CHEK2: variants seen among roughly 807,000 people sequenced by gnomAD.
CHEK2 encodes serine/threonine-protein kinase Chk2.
Under a neutral mutation model 69.1 loss-of-function variants are expected in CHEK2, and 71 were observed. The observed-to-expected ratio is 1.03, with a 90% CI of 0.85 to 1.25. The LOEUF (loss-of-function observed/expected upper bound fraction) is 1.25. CHEK2 is among the 50% of genes most tolerant of loss of function. The pLI is 0.00. For missense variants in CHEK2, 664 were observed against 649.6 expected, an observed-to-expected ratio of 1.02 and a Z score of -0.24; for synonymous variants, 189 against 226.9, an observed-to-expected ratio of 0.83 and a Z score of 1.50.
chr22:28,689,530 A>C (rs2145753668), intron 13 of CHEK2: 1 of 376,786 alleles, frequency 2.7e-6, no homozygotes, highest in East Asian at 6.4e-5. Context: ...GAAAGGTGGC[A>C]ATCAGGAGGC....
chr22:28,708,363 A>ATG (rs10694007), intron 7 of CHEK2, among the ~76,000 whole-genome samples: 6,188 of 139,702 alleles, frequency 0.044, 210 homozygotes, highest in African/African-American at 0.099. Flanking sequence ...CTCTAAAAAT[A>ATG]TGTGTGTGTG....
chr22:28,726,457 CAT>C (rs988226425), intron 2 of CHEK2: 14 of 143,346 alleles, frequency 9.8e-5, no homozygotes, highest in South Asian at 4.4e-4. Flanking sequence ...ATTTATTATA[CAT>C]GTTATATAAA....
intron 7 of CHEK2, among the ~76,000 whole-genome samples, chr22:28,704,155 CACACACA>C (rs2053012692): frequency 3.3e-5 from 5 of 151,608 alleles, no homozygotes; most frequent in African/African-American, 9.7e-5. Context: ...CACACACACA[CACACACA>C]CCTATGGCTG....
In CHEK2 at chr22:28,734,552, G is replaced by A. The variant is rs730881695; in HGVS notation, c.170C>T (p.Ser57Phe). 5 of 1,613,856 alleles carry A rather than the reference G, an allele frequency of 3.1e-6. No individual in the cohort carries two copies. The highest frequency in any genetic ancestry group is 4.2e-6 in the Non-Finnish European group (5 of 1,180,030). The change falls in exon 2 of 15, where the codon TCT becomes TTT. Residue 57 changes from serine to phenylalanine, a missense_variant. Transcript: ENST00000404276. ...PNSSQSSHSS[S>F]GTLSSLETVS... Reference sequence around the variant, plus strand: ...TGTCTCTAAGGAGCTCAGTGTCCCAGAGCTGGAGTGAGAGGACTGGCTGGA... The same window carrying A: ...TGTCTCTAAGGAGCTCAGTGTCCCAAAGCTGGAGTGAGAGGACTGGCTGGA...
chr22:28,721,605 T>C (rs760370877), intron 4 of CHEK2: 6 of 463,056 alleles, frequency 1.3e-5, no homozygotes, highest in South Asian at 9.4e-5. Flanking sequence ...GAAAATCAGC[T>C]GAGAGAGTAG....
Position 28,687,989 on chromosome 22 carries a change from G to A in CHEK2, c.1543-3C>T, listed in dbSNP as rs759366945. 7 of 1,588,016 alleles carry A rather than the reference G, an allele frequency of 4.4e-6. No individual in the cohort carries two copies. The South Asian group carries it at 7.7e-5, about 18-fold the overall frequency. ...GGCCGCTTTCGACTAGTAGAAGGCT[G>A]AAAATAAAGGAAAATGGAGAAATGT... On this transcript the variant is annotated splice_region_variant and splice_polypyrimidine_tract_variant and intron_variant, in intron 14 of 14. Transcript: ENST00000404276.
intron 4 of CHEK2, chr22:28,724,728 G>A (rs1042267917): frequency 4.5e-5 from 21 of 468,972 alleles, no homozygotes; most frequent in African/African-American, 2.0e-4. Flanking sequence ...CACCATGCCC[G>A]GCTTATTTTG....
intron 13 of CHEK2, among the ~76,000 whole-genome samples, chr22:28,690,292 G>A (rs992742390): frequency 2.6e-5 from 4 of 152,178 alleles, no homozygotes; most frequent in Admixed American, 6.5e-5. Flanking sequence ...AGGAATTTGA[G>A]ACCAGCCTGG....
At chr22:28,736,267 A>G (rs1372845245) in intron 1 of CHEK2, among the ~76,000 whole-genome samples, 1 of 152,234 alleles carries the variant, frequency 6.6e-6, no homozygotes, top group Non-Finnish European at 1.5e-5. Context: ...ACAAAAAATC[A>G]GGTGGCTTGA....
chr22:28,699,843 C>G lies in CHEK2; in HGVS notation c.1003G>C (p.Val335Leu), dbSNP rs563752762. 1.7e-5 allele frequency: 28 copies of G among 1,611,192 alleles called. No homozygotes were observed. The highest frequency in any genetic ancestry group is 2.3e-5 in the Non-Finnish European group (27 of 1,177,354). ...GAATTGAGGGCTTCTTTTACCTGCA[C>G]AGCCAAGAGCATCTGGTAAAAATAG... is the stretch of plus-strand genomic sequence containing the variant. ...KLYFYQMLLA[V>L]QYLHENGIIH... The change falls in exon 9 of 15, where the codon GTG (valine) becomes CTG (leucine). Residue 335 changes from valine (V) to leucine (L), a missense_variant. Physicochemically the swap from Val to Leu is conservative, Grantham distance 32 (BLOSUM62 1). Coordinates refer to ENST00000404276, the MANE Select transcript of CHEK2 (RefSeq NM_007194.4).
At chr22:28,733,934 A>AG (rs992290549) in intron 2 of CHEK2, among the ~76,000 whole-genome samples, 1 of 151,980 alleles carries the variant, frequency 6.6e-6, no homozygotes, top group Non-Finnish European at 1.5e-5. Context: ...AAAAAAAAAA[A>AG]AAAAAAATTC....
At chr22:28,689,313 A>T in intron 13 of CHEK2, 98 bp from the exon 14 acceptor site, 1 of 885,400 alleles carries the variant, frequency 1.1e-6, no homozygotes. Context: ...GGGAGGAAAA[A>T]TGTCCGTCCA....
At chr22:28,741,580 T>C (rs145550498) in intron 1 of CHEK2, among the ~76,000 whole-genome samples, 189 bp downstream of exon 1, 1 of 152,100 alleles carries the variant, frequency 6.6e-6, no homozygotes, top group African/African-American at 2.4e-5. Flanking sequence ...TGTTTCAGCT[T>C]GCAAGTAATA....
chr22:28,710,006 A>C lies in CHEK2; in HGVS notation c.846T>G (p.His282Gln). 6.7e-7 allele frequency: 1 copy of C among 1,490,544 alleles called. No individual in the cohort carries two copies. 92.3% of individuals were successfully genotyped at this position (1,490,544 alleles called of 1,614,324 possible). A position where few individuals can be genotyped will look rare whatever the true frequency, so the allele number is the denominator to read the frequency against. ...TEIEILKKLN[H>Q]PCIIKIKNFF... is the part of the protein sequence containing the mutation. ...GTATGAGTCATATAATAATACTTAC[A>C]TGATTTAGCTTTTTCAAAATTTCTA... The change falls in exon 7 of 15, where the codon CAT (histidine) becomes CAG (glutamine). Residue 282 changes from histidine to glutamine, a missense_variant and splice_region_variant. Physicochemically the swap from His to Gln is conservative, Grantham distance 24. Coordinates refer to ENST00000404276, the MANE Select transcript of CHEK2 (RefSeq NM_007194.4).
chr22:28,691,136 T>G (rs1350811943), intron 13 of CHEK2, among the ~76,000 whole-genome samples: 1 of 151,902 alleles, frequency 6.6e-6, no homozygotes, highest in East Asian at 1.9e-4. Flanking sequence ...TGGCAGCCCT[T>G]CAGTGAAGCC....
chr22:28,739,044 G>A (rs2054489875), intron 1 of CHEK2, among the ~76,000 whole-genome samples: 1 of 151,820 alleles, frequency 6.6e-6, no homozygotes, highest in Non-Finnish European at 1.5e-5. Context: ...CAAGGTGGGT[G>A]AATCATCTGA....
intron 13 of CHEK2, among the ~76,000 whole-genome samples, chr22:28,689,791 C>A (rs962058668): frequency 1.3e-5 from 2 of 152,082 alleles, no homozygotes; most frequent in Non-Finnish European, 2.9e-5. Context: ...GCTGCAGGAG[C>A]GGGAGGTGAG....
intron 5 of CHEK2, among the ~76,000 whole-genome samples, chr22:28,715,295 G>A (rs903496743): frequency 3.3e-5 from 5 of 152,230 alleles, no homozygotes; most frequent in Admixed American, 1.3e-4. Flanking sequence ...GCTCTTAGAC[G>A]CAGTCAACCA....
intron 13 of CHEK2, among the ~76,000 whole-genome samples, chr22:28,693,451 T>TC (rs2145779540): frequency 6.6e-6 from 1 of 152,014 alleles, no homozygotes; most frequent in South Asian, 2.1e-4. Context: ...GCTGTCCTCC[T>TC]CCCCCTCCCC....
Sources: gnomAD v4.1 joint callset for allele counts (sites outside exome capture counted in the v4.1 genomes callset) on GRCh38, gnomAD v4.1.1 for gene constraint, MANE v1.5 for transcripts, NCBI Gene and HGNC (gene_info 2026-07-23, HGNC 2026-07-21) for gene names.